ANKHD1: variants seen among roughly 807,000 people sequenced by gnomAD.
ANKHD1 encodes the protein ankyrin repeat and KH domain-containing protein 1.
In ANKHD1, 31 loss-of-function variants were observed where a neutral mutation model predicts 230.5. The ratio of observed to expected loss-of-function variants is 0.13; its 90% CI spans 0.10 to 0.18. ANKHD1 has a LOEUF of 0.18. Ranked by LOEUF, ANKHD1 falls within the 10% of genes least tolerant of loss-of-function variation. ANKHD1 has a pLI of 1.00. For missense variants in ANKHD1, 2,256 were observed against 3,071.3 expected (o/e 0.73, Z 6.27); for synonymous variants, 1,074 against 1,117.6 (o/e 0.96, Z 0.78).
intron 1 of ANKHD1, among the ~76,000 whole-genome samples, chr5:140,407,024 C>T (rs192514536): frequency 1.3e-5 from 2 of 151,196 alleles, no homozygotes; most frequent in Non-Finnish European, 2.9e-5. Context: ...AGGCCTGGTG[C>T]GGTGGCTAAC....
chr5:140,436,231 G>C lies in ANKHD1; in HGVS notation c.434G>C (p.Arg145Pro). 1 of 1,582,068 alleles carries C rather than the reference G, an allele frequency of 6.3e-7. No homozygotes were observed. Among genetic ancestry groups the C allele is most frequent in the South Asian group, 1.2e-5 (1 of 84,780 alleles). The part of the protein sequence containing the change: ...LRTVDPETQA[R>P]LEALLEAAGI... ...ACTGTGGATCCAGAGACACAGGCAC[G>C]ACTAGAAGCATTGCTAGAAGCAGCA... The change falls in exon 2 of 34, where the codon CGA becomes CCA. Residue 145 changes from arginine (R) to proline (P), a missense_variant. Arg to Pro is a moderately radical substitution (Grantham distance 103, BLOSUM62 -2). This residue lies in a region of ANKHD1 where 206 missense variants were observed against 304.5 expected (regional missense o/e 0.68). Coordinates refer to ENST00000360839, the MANE Select transcript of ANKHD1 (RefSeq NM_017747.3).
rs2127055749 is a variant in ANKHD1, at chr5:140,508,069, T to C, written c.3765+71T>C. The C allele has an allele frequency of 3.3e-6, 5 of 1,512,990 alleles. No homozygotes were observed. In the South Asian group the frequency reaches 6.6e-5, roughly 20 times the overall value. The allele number at this position is 1,512,990 out of a possible 1,614,324, so 93.7% of individuals were successfully genotyped here. On this transcript the variant is annotated intron_variant, in intron 20 of 33. Transcript: ENST00000360839. ...AAAGAACATGGCATTTTAACGCAAA[T>C]TGAATATAATATTTTAAATTATCAT...
At chr5:140,533,800 C>G (rs1024991703) in intron 29 of ANKHD1, among the ~76,000 whole-genome samples, 4 of 107,540 alleles carry the variant, frequency 3.7e-5, no homozygotes, top group Non-Finnish European at 7.9e-5. Flanking sequence ...AAAAAAAAAA[C>G]AAGAAGTTAT....
rs149815036 is a variant in ANKHD1, at chr5:140,447,284, C to T, written c.1147+1309C>T. 1.3e-4 allele frequency among the ~76,000 whole-genome samples: 19 copies of T among 151,994 alleles called. No homozygotes were observed. The South Asian group carries it at 1.7e-3, about 13-fold the overall frequency. On this transcript the variant is annotated intron_variant, in intron 6 of 33. Coordinates refer to ENST00000360839, the MANE Select transcript of ANKHD1 (RefSeq NM_017747.3). ...GTGGCACTGTCATAGCTCACTGCAGCCTCAAACTCCTGGGTTCAAGCTATC... is the reference window on the plus strand; with the variant it reads ...GTGGCACTGTCATAGCTCACTGCAGTCTCAAACTCCTGGGTTCAAGCTATC...
chr5:140,534,916 A>G (rs1317269768), intron 29 of ANKHD1, among the ~76,000 whole-genome samples: 2 of 152,216 alleles, frequency 1.3e-5, no homozygotes, highest in East Asian at 3.8e-4. Flanking sequence ...ACATTGGTAG[A>G]TTTTGTTACT....
intron 29 of ANKHD1, among the ~76,000 whole-genome samples, chr5:140,531,768 G>A (rs1753834427): frequency 6.6e-6 from 1 of 152,116 alleles, no homozygotes; most frequent in African/African-American, 2.4e-5. Flanking sequence ...GAAGATATAT[G>A]TCTATAGAAA....
intron 29 of ANKHD1, among the ~76,000 whole-genome samples, 189 bp downstream of exon 29, chr5:140,529,985 T>C (rs1753742016): frequency 6.6e-6 from 1 of 152,082 alleles, no homozygotes; most frequent in Non-Finnish European, 1.5e-5. Context: ...TTCTTGGAAT[T>C]GGTGTCTATT....
intron 4 of ANKHD1, among the ~76,000 whole-genome samples, 193 bp from the exon 5 acceptor site, chr5:140,440,802 T>C (rs1209741999): frequency 1.3e-5 from 2 of 152,196 alleles, no homozygotes; most frequent in African/African-American, 4.8e-5. Flanking sequence ...AATATTAATA[T>C]GTAATGATAT....
At chr5:140,490,393 T>C (rs958564686) in intron 14 of ANKHD1, among the ~76,000 whole-genome samples, 3 of 152,212 alleles carry the variant, frequency 2.0e-5, no homozygotes, top group Admixed American at 6.5e-5. Flanking sequence ...TCATGCCCCA[T>C]GTGTACCATT....
At chr5:140,522,250 GA>G (rs1214089047) in intron 24 of ANKHD1, among the ~76,000 whole-genome samples, 1 of 152,168 alleles carries the variant, frequency 6.6e-6, no homozygotes. Context: ...TTCACTTAGT[GA>G]AATGTTTTCA....
chr5:140,514,710 C>T (rs1473347123), intron 24 of ANKHD1, among the ~76,000 whole-genome samples: 1 of 152,134 alleles, frequency 6.6e-6, no homozygotes, highest in Non-Finnish European at 1.5e-5. Context: ...GTAGCTCACA[C>T]CTGTAATCCC....
chr5:140,433,905 A>AAGCTGTTGTATG (rs2126905258), intron 1 of ANKHD1, among the ~76,000 whole-genome samples: 1 of 152,168 alleles, frequency 6.6e-6, no homozygotes, highest in East Asian at 1.9e-4. Flanking sequence ...GCCTTACATT[A>AAGCTGTTGTATG]AGCTGTTGTA....
At position 140,533,799 on chromosome 5, in the gene ANKHD1, A is replaced by C. The variant is rs74664441; in HGVS notation, c.6851-1563A>C. ...TCAAAAAAAAAAAAAAAAAAAAAAAACAAGAAGTTATTATAGAAATGATTC... is the reference window on the plus strand; with the variant it reads ...TCAAAAAAAAAAAAAAAAAAAAAAACCAAGAAGTTATTATAGAAATGATTC... On this transcript the variant is annotated intron_variant, in intron 29 of 33. Coordinates refer to ENST00000360839, the MANE Select transcript of ANKHD1 (RefSeq NM_017747.3). Among the ~76,000 whole-genome samples, 461 of 149,136 alleles carry C rather than the reference A, an allele frequency of 3.1e-3. 2 individuals are homozygous for C. The highest frequency in any genetic ancestry group is 0.011 in the African/African-American group (436 of 39,922).
intron 13 of ANKHD1, chr5:140,486,168 G>A (rs377039129): frequency 8.3e-5 from 15 of 180,028 alleles, no homozygotes; most frequent in Non-Finnish European, 1.2e-4. Flanking sequence ...AGGCTCAAGC[G>A]ATTCTCTTGC....
At chr5:140,493,971 T>C (rs1015007981) in intron 14 of ANKHD1, among the ~76,000 whole-genome samples, 3 of 152,198 alleles carry the variant, frequency 2.0e-5, no homozygotes. Context: ...CTGGTTAGTG[T>C]TGAACTCTTA....
rs553738424 is a variant in ANKHD1, at chr5:140,533,322, G to A, written c.6851-2040G>A. 8.5e-5 allele frequency among the ~76,000 whole-genome samples: 13 copies of A among 152,238 alleles called. No individual in the cohort carries two copies. In the East Asian group the frequency reaches 2.5e-3, roughly 30 times the overall value. Reference sequence around the variant, plus strand: ...TCAAAGTTAGCTCAGTGTGGGACCGGGCACGGTGGCTCACGCCTGTAATCC... The same window carrying A: ...TCAAAGTTAGCTCAGTGTGGGACCGAGCACGGTGGCTCACGCCTGTAATCC... On this transcript the variant is annotated intron_variant, in intron 29 of 33. Coordinates refer to ENST00000360839, the MANE Select transcript of ANKHD1 (RefSeq NM_017747.3).
At chr5:140,487,221 C>CATAA (rs1554090877) in intron 14 of ANKHD1, among the ~76,000 whole-genome samples, 161 bp downstream of exon 14, 4 of 152,016 alleles carry the variant, frequency 2.6e-5, no homozygotes, top group African/African-American at 7.2e-5. Context: ...ACCAAAAAGA[C>CATAA]GTGTTAGGAA....
intron 1 of ANKHD1, among the ~76,000 whole-genome samples, chr5:140,423,294 C>G (rs554347812): frequency 6.6e-6 from 1 of 152,198 alleles, no homozygotes; most frequent in South Asian, 2.1e-4. Flanking sequence ...ATTGCATCAC[C>G]TCATTTAATT....
chr5:140,496,730 A>G lies in ANKHD1; in HGVS notation c.2456A>G (p.Glu819Gly), dbSNP rs1326129128. 1.2e-6 allele frequency: 2 copies of G among 1,613,742 alleles called. No individual in the cohort carries two copies. The change falls in exon 15 of 34, where the codon GAA becomes GGA. Residue 819 changes from glutamate (E) to glycine (G), a missense_variant. Around this residue, in one of 13 missense-constraint regions of ANKHD1, gnomAD observed 358 missense variants for 397.7 expected, o/e 0.90. Coordinates refer to ENST00000360839, the MANE Select transcript of ANKHD1 (RefSeq NM_017747.3). ...GEPLNKDKIE[E>G]LKKNREEQVQ... ...CCTCTGAACAAAGATAAGATAGAAGAACTTAAAAAGAACAGAGAAGAGCAA... is the reference window on the plus strand; with the variant it reads ...CCTCTGAACAAAGATAAGATAGAAGGACTTAAAAAGAACAGAGAAGAGCAA...
Sources: allele counts gnomAD v4.1 joint callset (sites outside exome capture counted in the v4.1 genomes callset), GRCh38; gene constraint gnomAD v4.1.1; regional missense constraint gnomAD v4.1.1; transcripts MANE v1.5; gene names NCBI Gene and HGNC (gene_info 2026-07-23, HGNC 2026-07-21).